Variants in FBXL17 observed in about 807,000 individuals in gnomAD.
The protein encoded by FBXL17 is F-box/LRR-repeat protein 17.
FBXL17 carries 22 observed loss-of-function variants against 66.2 expected under a neutral mutation model. That is an observed-to-expected ratio of 0.33 (90% confidence interval 0.24 to 0.47). The LOEUF (loss-of-function observed/expected upper bound fraction) is 0.47. Ranked by LOEUF, FBXL17 falls within the 20% of genes least tolerant of loss-of-function variation. The pLI is 1.00. For missense variants in FBXL17, 878 were observed against 948.2 expected (o/e 0.93, Z 0.97); for synonymous variants, 474 against 400.5 (o/e 1.18, Z -2.19).
rs143284385 is a variant in FBXL17 at position 108,013,405 on chromosome 5, C to T, written c.1822+7520G>A. Among the ~76,000 whole-genome samples, 39 of 152,296 alleles carry T rather than the reference C, an allele frequency of 2.6e-4. No homozygotes were observed. In the East Asian group the frequency reaches 7.1e-3, roughly 28 times the overall value. ...TATTCTTTCTTCAGAATAACCAACG[C>T]ATACAAAAGCATCCATTCAGACACC... On this transcript the variant is annotated intron_variant, in intron 7 of 8. Transcript: ENST00000542267.
intron 7 of FBXL17, among the ~76,000 whole-genome samples, chr5:107,977,780 C>T (rs1752638270): frequency 6.6e-6 from 1 of 152,180 alleles, no homozygotes; most frequent in Non-Finnish European, 1.5e-5. Flanking sequence ...TCAAGAAACC[C>T]GGCACATAGT....
chr5:108,355,518 G>A (rs994896994), intron 3 of FBXL17, among the ~76,000 whole-genome samples: 1 of 151,928 alleles, frequency 6.6e-6, no homozygotes, highest in African/African-American at 2.4e-5. Context: ...CCTGACCTCA[G>A]GTAAGCCACC....
chr5:108,248,618 A>C (rs1561487223), intron 4 of FBXL17, among the ~76,000 whole-genome samples: 1 of 152,174 alleles, frequency 6.6e-6, no homozygotes, highest in Non-Finnish European at 1.5e-5. Context: ...AATGTTAAAC[A>C]TGAAAAACCC....
At chr5:108,310,020 C>T (rs1357575282) in intron 4 of FBXL17, among the ~76,000 whole-genome samples, 2 of 152,076 alleles carry the variant, frequency 1.3e-5, no homozygotes, top group Admixed American at 6.6e-5. Context: ...TATCAAAATG[C>T]AAAATATTAT....
chr5:108,374,226 A>G (rs1451874650), intron 1 of FBXL17, among the ~76,000 whole-genome samples: 3 of 152,226 alleles, frequency 2.0e-5, no homozygotes, highest in Non-Finnish European at 4.4e-5. Flanking sequence ...AGAACACTAC[A>G]CAAAATAGAA....
intron 4 of FBXL17, among the ~76,000 whole-genome samples, chr5:108,328,593 G>A (rs112123179): frequency 4.0e-4 from 61 of 152,148 alleles, no homozygotes; most frequent in African/African-American, 1.2e-3. Flanking sequence ...ATACACGCAT[G>A]TTGGTATGTG....
chr5:108,012,556 T>C (rs4612049), intron 7 of FBXL17, among the ~76,000 whole-genome samples: 49,896 of 151,988 alleles, frequency 0.33, 8,490 homozygotes, highest in East Asian at 0.52. Flanking sequence ...AAAATCCTAC[T>C]GGAAAAAAAA....
intron 7 of FBXL17, among the ~76,000 whole-genome samples, chr5:107,895,357 T>A (rs190994490): frequency 9.2e-4 from 140 of 152,252 alleles, no homozygotes; most frequent in African/African-American, 3.2e-3. Flanking sequence ...TATAGATAGG[T>A]GCATCAGTTT....
chr5:108,189,582 C>A (rs1000980225), intron 5 of FBXL17, among the ~76,000 whole-genome samples: 1 of 152,038 alleles, frequency 6.6e-6, no homozygotes, highest in African/African-American at 2.4e-5. Context: ...TATCATAATC[C>A]CTGCCCCCTT....
chr5:107,964,767 A>G (rs1164787191), intron 7 of FBXL17, among the ~76,000 whole-genome samples: 1 of 152,164 alleles, frequency 6.6e-6, no homozygotes, highest in Non-Finnish European at 1.5e-5. Flanking sequence ...AAAAGCTCTA[A>G]GAACTCATAA....
intron 1 of FBXL17, among the ~76,000 whole-genome samples, chr5:108,379,658 G>C (rs1354663126): frequency 6.6e-6 from 1 of 152,174 alleles, no homozygotes; most frequent in Non-Finnish European, 1.5e-5. Context: ...TTTATGGCTA[G>C]TCTCTAGTAT....
chr5:107,922,631 A>G lies in FBXL17; in HGVS notation c.1823-41452T>C, dbSNP rs1348051835. On this transcript the variant is annotated intron_variant, in intron 7 of 8. Coordinates refer to ENST00000542267, the MANE Select transcript of FBXL17 (RefSeq NM_001163315.3). ...TCTTCTGTCAGTAAGTCTGTAGATC[A>G]TAAATTGTTTTAAAATAAAATTTCC... is the stretch of plus-strand genomic sequence containing the variant. 3.3e-5 allele frequency among the ~76,000 whole-genome samples: 5 copies of G among 152,220 alleles called. No individual in the cohort carries two copies. In the East Asian group the frequency reaches 9.6e-4, roughly 29 times the overall value.
At chr5:108,103,139 T>C (rs1452204915) in intron 6 of FBXL17, among the ~76,000 whole-genome samples, 1 of 152,244 alleles carries the variant, frequency 6.6e-6, no homozygotes, top group African/African-American at 2.4e-5. Context: ...GTGAGCCAGT[T>C]AATCTGTCTT....
At chr5:108,029,278 T>C (rs953269238) in intron 6 of FBXL17, among the ~76,000 whole-genome samples, 1 of 151,972 alleles carries the variant, frequency 6.6e-6, no homozygotes, top group African/African-American at 2.4e-5. Flanking sequence ...GCAGAAAAAG[T>C]GTAGGCAGTG....
chr5:108,370,012 A>G (rs1748920455), intron 1 of FBXL17, among the ~76,000 whole-genome samples: 1 of 152,132 alleles, frequency 6.6e-6, no homozygotes, highest in South Asian at 2.1e-4. Flanking sequence ...CAGGACACCA[A>G]TGCACCACAG....
Position 107,944,412 on chromosome 5 carries a change from C to T in FBXL17, c.1823-63233G>A, listed in dbSNP as rs549312410. ...TCACTTTATGTTCATTCAAGAAAGG[C>T]CATCTTAACATTTCAAAGTTAACAT... On this transcript the variant is annotated intron_variant, in intron 7 of 8. Transcript: ENST00000542267. 2.3e-4 allele frequency among the ~76,000 whole-genome samples: 35 copies of T among 152,188 alleles called. 1 individual carries two copies. In the South Asian group the frequency reaches 7.0e-3, roughly 31 times the overall value.
intron 6 of FBXL17, among the ~76,000 whole-genome samples, chr5:108,137,309 TG>T (rs1751172262): frequency 6.6e-6 from 1 of 152,186 alleles, no homozygotes; most frequent in Non-Finnish European, 1.5e-5. Context: ...AAGCCAAGGC[TG>T]TATTTTTTGT....
At chr5:108,166,267 T>C (rs992065397) in intron 6 of FBXL17, among the ~76,000 whole-genome samples, 1 of 152,194 alleles carries the variant, frequency 6.6e-6, no homozygotes, top group Non-Finnish European at 1.5e-5. Flanking sequence ...CCTGCATGCA[T>C]GGGCCTGGAA....
At chr5:108,150,202 T>C (rs991872428) in intron 6 of FBXL17, among the ~76,000 whole-genome samples, 1 of 152,176 alleles carries the variant, frequency 6.6e-6, no homozygotes, top group Non-Finnish European at 1.5e-5. Flanking sequence ...ATTATCATTA[T>C]CATACCCAAG....
Sources: gnomAD v4.1 joint callset for allele counts (sites outside exome capture counted in the v4.1 genomes callset) on GRCh38, gnomAD v4.1.1 for gene constraint, MANE v1.5 for transcripts, NCBI Gene and HGNC (gene_info 2026-07-23, HGNC 2026-07-21) for gene names.